The following PFKFB2 variants were observed in gnomAD, a reference collection of about 807,000 sequenced individuals.
The protein encoded by PFKFB2 is 6-phosphofructo-2-kinase/fructose-2,6-bisphosphatase 2.
A neutral mutation model predicts 68.0 loss-of-function variants in PFKFB2; 53 were observed. The ratio of observed to expected loss-of-function variants is 0.78; its 90% CI spans 0.63 to 0.98. The LOEUF is 0.98. Among genes scored for constraint, PFKFB2 ranks in the 50% least tolerant of loss-of-function variants. PFKFB2 has a pLI of 0.00. For missense variants in PFKFB2, 451 were observed against 642.0 expected (o/e 0.70, Z 3.22); for synonymous variants, 222 against 227.6 (o/e 0.98, Z 0.22).
At chr1:207,035,682 A>AAAC (rs1404863998) in intron 1 of PFKFB2, among the ~76,000 whole-genome samples, 2 of 148,166 alleles carry the variant, frequency 1.3e-5, no homozygotes, top group African/African-American at 5.3e-5. Flanking sequence ...AACAAAAAAA[A>AAAC]CAAAAAAAGA....
chr1:207,078,345 C>T (rs1351709961), downstream of PFKFB2, among the ~76,000 whole-genome samples: 1 of 152,190 alleles, frequency 6.6e-6, no homozygotes, highest in African/African-American at 2.4e-5. Context: ...ATTAGAAATG[C>T]AGAATCCCAG....
chr1:207,053,167 T>G (rs1469370211), upstream of PFKFB2: 1 of 152,320 alleles, frequency 6.6e-6, no homozygotes, highest in African/African-American at 2.4e-5. Flanking sequence ...CCCCGCCCCC[T>G]GGGTCCTGCA....
chr1:207,064,878 G>A (rs777678542), intron 7 of PFKFB2, among the ~76,000 whole-genome samples, 158 bp from the exon 8 acceptor site: 11 of 152,064 alleles, frequency 7.2e-5, no homozygotes, highest in Admixed American at 1.3e-4. Context: ...AGGACGGGGC[G>A]GGGCGGGGCG....
chr1:207,041,437 A>G (rs1297284558), intron 1 of PFKFB2, among the ~76,000 whole-genome samples: 1 of 151,908 alleles, frequency 6.6e-6, no homozygotes, highest in African/African-American at 2.4e-5. Context: ...CCCTGTGCCC[A>G]TATGTTCTCA....
At position 207,075,615 on chromosome 1, in the gene PFKFB2, G is replaced by T. The variant is rs1683599098; in HGVS notation, c.*3244G>T. 4 of 985,266 alleles carry T rather than the reference G, an allele frequency of 4.1e-6. No homozygotes were observed. The highest frequency in any genetic ancestry group is 4.8e-6 in the Non-Finnish European group (4 of 829,790). The allele number at this position is 985,266 out of a possible 1,614,324, so 61.0% of individuals were successfully genotyped here. A position where few individuals can be genotyped will look rare whatever the true frequency, so the allele number is the denominator to read the frequency against. The stretch of plus-strand genomic sequence containing the variant: ...TTTTGTTTTGTGAGAAATAGGTAAA[G>T]ACATTAGCATTTAATCTACTGGAAT... On this transcript the variant is annotated 3_prime_UTR_variant, in exon 15 of 15. Coordinates refer to ENST00000367080, the MANE Select transcript of PFKFB2 (RefSeq NM_006212.2).
chr1:207,074,051 C>T lies in PFKFB2; in HGVS notation c.*1680C>T, dbSNP rs868080194. On this transcript the variant is annotated 3_prime_UTR_variant, in exon 15 of 15. Transcript: ENST00000367080. ...GCCTTTAGGATTGTTGAATCATAAA[C>T]ATGCCTGTGTCCACCTTATGCTTAA... The T allele has an allele frequency of 5.8e-5, 53 of 907,484 alleles. No individual in the cohort carries two copies. The Middle Eastern group carries it at 1.7e-3, about 29-fold the overall frequency. The allele number at this position is 907,484 out of a possible 1,614,324, so 56.2% of individuals were successfully genotyped here.
rs550012219 is a variant in PFKFB2, at chr1:207,072,960, T to C, written c.*589T>C. ...TTGACAAGAGACAAGTCTGGCCCAG[T>C]TAATGCTTTCTGCAGTGGGTCTAAA... On this transcript the variant is annotated 3_prime_UTR_variant, in exon 15 of 15. Coordinates refer to ENST00000367080, the MANE Select transcript of PFKFB2 (RefSeq NM_006212.2). 69 of 985,714 alleles carry C rather than the reference T, an allele frequency of 7.0e-5. No individual in the cohort carries two copies. In the African/African-American group the frequency reaches 1.2e-3, roughly 17 times the overall value. 61.1% of individuals were successfully genotyped at this position (985,714 alleles called of 1,614,324 possible).
At chr1:207,079,094 A>G (rs1349321380), downstream of PFKFB2, 5 of 1,264,884 alleles carry the variant, frequency 4.0e-6, no homozygotes, top group African/African-American at 2.9e-5. Context: ...AGCTTCACAG[A>G]GGCTAGAACA....
rs1683177477 is a variant in PFKFB2, at chr1:207,063,447, A to G, written c.450+26A>G. 3.3e-6 allele frequency: 5 copies of G among 1,531,222 alleles called. No homozygotes were observed. Among genetic ancestry groups the G allele is most frequent in the Non-Finnish European group, 4.5e-6 (5 of 1,107,432 alleles). 94.9% of individuals were successfully genotyped at this position (1,531,222 alleles called of 1,614,324 possible). A position where few individuals can be genotyped will look rare whatever the true frequency, so the allele number is the denominator to read the frequency against. On this transcript the variant is annotated intron_variant, in intron 6 of 14. Transcript: ENST00000367080. The surrounding 1 kb of genome is among the most constrained non-coding windows in gnomAD (Gnocchi z 4.1). ...GTAGGATCTGACTCCATGTTGGAGG[A>G]AAAGGGATGAGTAGAGGTGGGGAGT...
At position 207,073,487 on chromosome 1, in the gene PFKFB2, T is replaced by C. The variant is rs947984311; in HGVS notation, c.*1116T>C. On this transcript the variant is annotated 3_prime_UTR_variant, in exon 15 of 15. Transcript: ENST00000367080. The stretch of plus-strand genomic sequence containing the variant: ...CTAAAACTGCTTATTTTTGAATAAT[T>C]TCAGCACACTGTCCTTAAGAAGAAA... 3 of 985,328 alleles carry C rather than the reference T, an allele frequency of 3.0e-6. No individual in the cohort carries two copies. The highest frequency in any genetic ancestry group is 6.1e-5 in the Admixed American group (1 of 16,274). The allele number at this position is 985,328 out of a possible 1,614,324, so 61.0% of individuals were successfully genotyped here. A position where few individuals can be genotyped will look rare whatever the true frequency, so the allele number is the denominator to read the frequency against.
intron 8 of PFKFB2, among the ~76,000 whole-genome samples, chr1:207,067,029 A>C (rs935510912): frequency 6.6e-6 from 1 of 152,218 alleles, no homozygotes; most frequent in African/African-American, 2.4e-5. Context: ...CTTTGAGAGA[A>C]GCATGATTAG....
chr1:207,074,898 G>T lies in PFKFB2; in HGVS notation c.*2527G>T, dbSNP rs1454640780. ...GGCTATGAGACTACAGGGGTTGGGG[G>T]ATGGGGATGCCCCCACCACCACCAG... On this transcript the variant is annotated 3_prime_UTR_variant, in exon 15 of 15. Coordinates refer to ENST00000367080, the MANE Select transcript of PFKFB2 (RefSeq NM_006212.2). The T allele has an allele frequency of 2.0e-6, 2 of 985,380 alleles. No homozygotes were observed. Among genetic ancestry groups the T allele is most frequent in the African/African-American group, 3.5e-5 (2 of 57,242 alleles). 61.0% of individuals were successfully genotyped at this position (985,380 alleles called of 1,614,324 possible).
chr1:207,057,433 G>A (rs538318956), intron 2 of PFKFB2, among the ~76,000 whole-genome samples: 10 of 150,470 alleles, frequency 6.6e-5, no homozygotes, highest in Admixed American at 1.3e-4. Context: ...AGCCGAGATC[G>A]CGCCACTGCA....
At position 207,065,206 on chromosome 1, in the gene PFKFB2, A is replaced by T. The variant is rs202139419; in HGVS notation, c.632+46A>T. On this transcript the variant is annotated intron_variant, in intron 8 of 14. Coordinates refer to ENST00000367080, the MANE Select transcript of PFKFB2 (RefSeq NM_006212.2). The stretch of plus-strand genomic sequence containing the variant: ...TTGAAGGGCCCAAGGCAAAGGTCTC[A>T]TCTGGGAAAATAACCTTTCTCCCTG... 5.6e-5 allele frequency: 89 copies of T among 1,602,532 alleles called. No homozygotes were observed. The Admixed American group carries it at 1.5e-3, about 27-fold the overall frequency.
intron 2 of PFKFB2, among the ~76,000 whole-genome samples, chr1:207,057,426 C>T (rs1056563623): frequency 6.7e-6 from 1 of 149,764 alleles, no homozygotes; most frequent in Non-Finnish European, 1.5e-5. Flanking sequence ...TGCAGTGAGC[C>T]GAGATCGCGC....
chr1:207,062,564 A>C (rs1456063761), intron 3 of PFKFB2, 56 bp from the exon 4 acceptor site: 21 of 1,591,694 alleles, frequency 1.3e-5, no homozygotes, highest in Non-Finnish European at 1.7e-5. Flanking sequence ...AACAAGTCCC[A>C]TTTGGTGGGG....
In PFKFB2 at chr1:207,061,177, ATAT is replaced by A. The variant is rs1558059777; in HGVS notation, c.86-775_86-773del. ...TTTATATATATCTTTATATATATAT[ATAT>A]ATATATATATATATATATATATTTT... On this transcript the variant is annotated intron_variant, in intron 2 of 14. Transcript: ENST00000367080. 1.2e-3 allele frequency among the ~76,000 whole-genome samples: 78 copies of A among 66,484 alleles called. 2 individuals carry two copies. Among genetic ancestry groups the A allele is most frequent in the Middle Eastern group, 9.1e-3 (1 of 110 alleles). The allele number at this position is 66,484 out of a possible 152,430, so 43.6% of individuals were successfully genotyped here.
chr1:207,045,812 C>T (rs1682586927), intron 2 of PFKFB2: 2 of 151,880 alleles, frequency 1.3e-5, no homozygotes, highest in Non-Finnish European at 1.5e-5. Context: ...TAGTTAATTC[C>T]TCATTATTAT....
In PFKFB2 at chr1:207,063,888, G is replaced by GGGTGTGTGTGTGTGTGT; in HGVS notation, c.507+60_507+61insGTGTGTGTGTGTGTGTG. The stretch of plus-strand genomic sequence containing the variant: ...ACCTTTTGTGCTGTGTGTGTTGTGG[G>GGGTGTGTGTGTGTGTGT]GTGTGTGTGTGTGTGTGTGTGTGTG... On this transcript the variant is annotated intron_variant, in intron 7 of 14. Transcript: ENST00000367080. This position sits in a 1 kb window ranked among gnomAD's most constrained non-coding sequence, Gnocchi z 4.1. 4 of 1,015,392 alleles carry GGGTGTGTGTGTGTGTGT rather than the reference G, an allele frequency of 3.9e-6. No individual in the cohort carries two copies. Among genetic ancestry groups the GGGTGTGTGTGTGTGTGT allele is most frequent in the Non-Finnish European group, 6.1e-6 (4 of 650,708 alleles). 62.9% of individuals were successfully genotyped at this position (1,015,392 alleles called of 1,614,324 possible).
Sources: allele counts gnomAD v4.1 joint callset (sites outside exome capture counted in the v4.1 genomes callset), GRCh38; gene constraint gnomAD v4.1.1; non-coding constraint Gnocchi (gnomAD v3.1); transcripts MANE v1.5; gene names NCBI Gene and HGNC (gene_info 2026-07-23, HGNC 2026-07-21).